TRIM44: variants seen among roughly 807,000 people sequenced by gnomAD.
TRIM44 encodes tripartite motif-containing protein 44.
A neutral mutation model predicts 37.4 loss-of-function variants in TRIM44; 13 were observed. The ratio of observed to expected loss-of-function variants is 0.35; its 90% confidence interval spans 0.23 to 0.55. TRIM44 has a LOEUF of 0.55. TRIM44 is among the 20% of genes least tolerant of loss of function. The pLI, the probability that TRIM44 is intolerant of heterozygous loss-of-function variation, is 0.89. For synonymous variants in TRIM44, 175 were observed against 157.2 expected, an observed-to-expected ratio of 1.11 and a Z score of -0.85; for missense variants, 426 against 437.2, an observed-to-expected ratio of 0.97 and a Z score of 0.23.
intron 2 of TRIM44, among the ~76,000 whole-genome samples, chr11:35,714,282 G>A (rs1350425925): frequency 1.3e-5 from 2 of 152,272 alleles, no homozygotes; most frequent in Admixed American, 6.5e-5. Flanking sequence ...AGAGCCCTAA[G>A]TGCTTTCCAT....
intron 1 of TRIM44, among the ~76,000 whole-genome samples, chr11:35,674,362 A>G (rs2135485222): frequency 6.6e-6 from 1 of 152,324 alleles, no homozygotes; most frequent in South Asian, 2.1e-4. Context: ...TTTAAATGTC[A>G]GAAAACTGAT....
intron 2 of TRIM44, 140 bp downstream of exon 2, chr11:35,685,476 C>T (rs1243992690): frequency 4.4e-6 from 3 of 676,298 alleles, no homozygotes; most frequent in African/African-American, 1.8e-5. Context: ...GAAACAGTGT[C>T]CTGATATGCC....
chr11:35,706,187 A>T (rs1454004285), intron 2 of TRIM44, among the ~76,000 whole-genome samples: 5 of 149,168 alleles, frequency 3.4e-5, no homozygotes, highest in Admixed American at 6.7e-5. Context: ...TCCTTGACAC[A>T]TGCACCCTCC....
chr11:35,687,266 G>T (rs1851593149), intron 2 of TRIM44, among the ~76,000 whole-genome samples: 1 of 152,194 alleles, frequency 6.6e-6, no homozygotes, highest in African/African-American at 2.4e-5. Context: ...GCAGCCACAA[G>T]AATAAATTTC....
In TRIM44 at chr11:35,695,973, C is replaced by A. The variant is rs545284681; in HGVS notation, c.747+10637C>A. ...ACCTCTCTTTTGGATGCTTTCGGGGCCCTCTGTAGCATTTCAGTGTTAGAG... is the reference window on the plus strand; with the variant it reads ...ACCTCTCTTTTGGATGCTTTCGGGGACCTCTGTAGCATTTCAGTGTTAGAG... On this transcript the variant is annotated intron_variant, in intron 2 of 4. Coordinates refer to ENST00000299413, the MANE Select transcript of TRIM44 (RefSeq NM_017583.6). 5.8e-4 allele frequency among the ~76,000 whole-genome samples: 88 copies of A among 150,944 alleles called. 1 individual carries two copies. Among genetic ancestry groups the A allele is most frequent in the Non-Finnish European group, 8.8e-4 (60 of 67,822 alleles).
intron 1 of TRIM44, among the ~76,000 whole-genome samples, chr11:35,664,924 C>T (rs1261368126): frequency 6.6e-6 from 1 of 152,172 alleles, no homozygotes; most frequent in South Asian, 2.1e-4. Context: ...TATGCTTTTA[C>T]TCCATGTGTA....
chr11:35,731,711 T>C (rs1203244164), intron 3 of TRIM44, among the ~76,000 whole-genome samples: 7 of 152,202 alleles, frequency 4.6e-5, no homozygotes, highest in Non-Finnish European at 1.5e-5. Context: ...TTATATGTCA[T>C]GAGCATTTTT....
rs757233207 is a variant in TRIM44, at chr11:35,735,456, A to G, written c.1007+11A>G. 4.3e-5 allele frequency: 70 copies of G among 1,613,464 alleles called. No homozygotes were observed. In the East Asian group the frequency reaches 4.9e-4, roughly 11 times the overall value. On this transcript the variant is annotated intron_variant, in intron 4 of 4. Transcript: ENST00000299413. The stretch of plus-strand genomic sequence containing the variant: ...TGAGGAAGGACCCAGGTAAGATCAC[A>G]TTGTTGCTTGTCTTTTCTCATAATT...
chr11:35,719,176 C>T (rs1381567217), intron 2 of TRIM44, among the ~76,000 whole-genome samples: 3 of 152,114 alleles, frequency 2.0e-5, no homozygotes, highest in Non-Finnish European at 4.4e-5. Context: ...TTCCAAGTGG[C>T]CTTACCATTT....
At chr11:35,793,347 A>G (rs1177909285) in intron 4 of TRIM44, among the ~76,000 whole-genome samples, 1 of 152,000 alleles carries the variant, frequency 6.6e-6, no homozygotes, top group Non-Finnish European at 1.5e-5. Flanking sequence ...CAACATGGTG[A>G]AAACCCGTCG....
At chr11:35,674,254 ACACATGCG>A (rs1851435437) in intron 1 of TRIM44, among the ~76,000 whole-genome samples, 2 of 114,218 alleles carry the variant, frequency 1.8e-5, no homozygotes, top group Admixed American at 1.1e-4. Flanking sequence ...GTGTGTGTGT[ACACATGCG>A]CACATGTGTT....
At chr11:35,721,995 A>G (rs2135513719) in intron 2 of TRIM44, among the ~76,000 whole-genome samples, 1 of 152,276 alleles carries the variant, frequency 6.6e-6, no homozygotes, top group African/African-American at 2.4e-5. Context: ...TTGGAGTACA[A>G]TGTAGGAATA....
At chr11:35,666,193 A>G (rs957526001) in intron 1 of TRIM44, among the ~76,000 whole-genome samples, 1 of 152,192 alleles carries the variant, frequency 6.6e-6, no homozygotes, top group Non-Finnish European at 1.5e-5. Context: ...ACTGTCATAT[A>G]TCAAGTGCCC....
intron 4 of TRIM44, among the ~76,000 whole-genome samples, chr11:35,740,757 A>G (rs1347090948): frequency 6.6e-6 from 1 of 151,610 alleles, no homozygotes; most frequent in Non-Finnish European, 1.5e-5. Context: ...TATTATCCTC[A>G]CCCCTCTTCA....
chr11:35,803,043 A>G (rs763652865), intron 4 of TRIM44, among the ~76,000 whole-genome samples: 3 of 152,210 alleles, frequency 2.0e-5, no homozygotes, highest in African/African-American at 7.2e-5. Flanking sequence ...TTTGTATTGC[A>G]TAAAATACAT....
At chr11:35,778,617 G>A (rs1218938832) in intron 4 of TRIM44, among the ~76,000 whole-genome samples, 6 of 152,182 alleles carry the variant, frequency 3.9e-5, no homozygotes, top group Non-Finnish European at 8.8e-5. Flanking sequence ...AGTCTTTGAT[G>A]ATGGTGACGT....
At chr11:35,710,631 T>C (rs943712069) in intron 2 of TRIM44, among the ~76,000 whole-genome samples, 7 of 152,194 alleles carry the variant, frequency 4.6e-5, no homozygotes, top group Admixed American at 3.9e-4. Flanking sequence ...AGATTTAAGT[T>C]GGTGCCTTCT....
chr11:35,713,860 G>A (rs1852007839), intron 2 of TRIM44, among the ~76,000 whole-genome samples: 1 of 152,108 alleles, frequency 6.6e-6, no homozygotes, highest in Non-Finnish European at 1.5e-5. Context: ...TAGGTACAGA[G>A]GAACAGAATG....
intron 2 of TRIM44, among the ~76,000 whole-genome samples, chr11:35,710,820 G>C (rs567059583): frequency 6.6e-6 from 1 of 152,252 alleles, no homozygotes; most frequent in East Asian, 1.9e-4. Context: ...CAAATAATCA[G>C]CTCAAAACAA....
Sources: gnomAD v4.1 joint callset for allele counts (sites outside exome capture counted in the v4.1 genomes callset) on GRCh38, gnomAD v4.1.1 for gene constraint, MANE v1.5 for transcripts, NCBI Gene and HGNC (gene_info 2026-07-23, HGNC 2026-07-21) for gene names.